The following SPEF2 variants were observed in gnomAD, a reference collection of about 807,000 sequenced individuals.
SPEF2 encodes sperm flagella and cilia-associated protein 2.
SPEF2 carries 187 observed loss-of-function variants against 224.6 expected under a neutral mutation model. The ratio of observed to expected loss-of-function variants is 0.83; its 90% CI spans 0.74 to 0.94. SPEF2 has a LOEUF of 0.94. SPEF2 is among the 40% of genes least tolerant of loss of function. SPEF2 has a pLI of 0.00. For synonymous variants in SPEF2, 715 were observed against 707.3 expected (o/e 1.01, Z -0.17); for missense variants, 2,170 against 2,135.6 (o/e 1.02, Z -0.32).
chr5:35,644,432 A>C lies in SPEF2; in HGVS notation c.492A>C (p.Lys164Asn), dbSNP rs1747058217. 2 of 1,611,768 alleles carry C rather than the reference A, an allele frequency of 1.2e-6. No homozygotes were observed. The highest frequency in any genetic ancestry group is 1.7e-6 in the Non-Finnish European group (2 of 1,179,032). Reference sequence around the variant, plus strand: ...CATACAGGTTTCAAGAAAAATATAAACACGTGAAAGAAGATCTTGCCCATT... The same window carrying C: ...CATACAGGTTTCAAGAAAAATATAACCACGTGAAAGAAGATCTTGCCCATT... ...RITYRFQEKY[K>N]HVKEDLAHLH... is the part of the protein sequence containing the mutation. The change falls in exon 4 of 37, where the codon AAA becomes AAC. Residue 164 changes from lysine (K) to asparagine (N), a missense_variant. Lys to Asn is a moderately conservative substitution (Grantham distance 94). Coordinates refer to ENST00000356031, the MANE Select transcript of SPEF2 (RefSeq NM_024867.4).
At chr5:35,719,574 T>C (rs535780088) in intron 20 of SPEF2, among the ~76,000 whole-genome samples, 10 of 152,132 alleles carry the variant, frequency 6.6e-5, no homozygotes, top group Admixed American at 2.6e-4. Flanking sequence ...TCTTCTCTTA[T>C]GGTCCCAAGA....
intron 1 of SPEF2, among the ~76,000 whole-genome samples, chr5:35,622,103 AT>A (rs2149355747): frequency 6.6e-6 from 1 of 152,270 alleles, no homozygotes; most frequent in African/African-American, 2.4e-5. Flanking sequence ...AAATAGATAT[AT>A]TTTTGTGAGT....
chr5:35,700,732 G>T lies in SPEF2; in HGVS notation c.2378G>T (p.Ser793Ile). 5 of 1,613,868 alleles carry T rather than the reference G, an allele frequency of 3.1e-6. No individual in the cohort carries two copies. Among genetic ancestry groups the T allele is most frequent in the East Asian group, 4.5e-5 (2 of 44,868 alleles). The change falls in exon 16 of 37, where the codon AGT becomes ATT. Residue 793 changes from serine to isoleucine, a missense_variant. Ser to Ile is a moderately radical substitution (Grantham distance 142). Coordinates refer to ENST00000356031, the MANE Select transcript of SPEF2 (RefSeq NM_024867.4). ...GATGTTTCAGATACTTCCTCAATGAGTCGCATGAATGATATTATAGGTAAG... is the reference window on the plus strand; with the variant it reads ...GATGTTTCAGATACTTCCTCAATGATTCGCATGAATGATATTATAGGTAAG... ...LLDVSDTSSM[S>I]RMNDIIAEEL...
In SPEF2 at chr5:35,697,565, G is replaced by A. The variant is rs113971395; in HGVS notation, c.2038-125G>A. The A allele has an allele frequency of 9.1e-3, 6,402 of 701,938 alleles. 163 individuals are homozygous for A. The highest frequency in any genetic ancestry group is 0.068 in the East Asian group (2,445 of 35,956). The allele number at this position is 701,938 out of a possible 1,614,324, so 43.5% of individuals were successfully genotyped here. A position where few individuals can be genotyped will look rare whatever the true frequency, so the allele number is the denominator to read the frequency against. On this transcript the variant is annotated intron_variant, in intron 14 of 36. Coordinates refer to ENST00000356031, the MANE Select transcript of SPEF2 (RefSeq NM_024867.4). ...TTCCTGAAATGCTTCCCTGACTCCC[G>A]AACTGTGCCACATGATCAGTGTCAT...
rs562958011 is a variant in SPEF2, at chr5:35,790,104, G to T, written c.4448-2236G>T. On this transcript the variant is annotated intron_variant, in intron 30 of 36. Coordinates refer to ENST00000356031, the MANE Select transcript of SPEF2 (RefSeq NM_024867.4). ...CAAGTATCCAAATATCCTGACACTAGTCGACCTAGTGTTGACCCTTCCTGC... is the reference window on the plus strand; with the variant it reads ...CAAGTATCCAAATATCCTGACACTATTCGACCTAGTGTTGACCCTTCCTGC... The T allele has an allele frequency of 3.3e-5, 23 of 702,884 alleles. No individual in the cohort carries two copies. In the East Asian group the frequency reaches 5.9e-4, roughly 18 times the overall value. The allele number at this position is 702,884 out of a possible 1,614,324, so 43.5% of individuals were successfully genotyped here.
At chr5:35,674,337 C>CTTTTTT (rs35129181) in intron 10 of SPEF2, among the ~76,000 whole-genome samples, 9 of 94,414 alleles carry the variant, frequency 9.5e-5, no homozygotes, top group East Asian at 3.4e-4. Context: ...TTTTCGTCTT[C>CTTTTTT]TTTTTTTTTT....
At chr5:35,705,629 A>G (rs754017895) in intron 17 of SPEF2, 22 bp from the exon 18 acceptor site, 7 of 1,557,052 alleles carry the variant, frequency 4.5e-6, no homozygotes, top group Non-Finnish European at 6.1e-6. Flanking sequence ...TGAGATATTC[A>G]TATCATATTT....
chr5:35,800,024 A>T lies in SPEF2; in HGVS notation c.4887A>T (p.Thr1629=). The T allele has an allele frequency of 6.2e-7, 1 of 1,614,112 alleles. No homozygotes were observed. Among genetic ancestry groups the T allele is most frequent in the Non-Finnish European group, 8.5e-7 (1 of 1,180,014 alleles). ...AGGATCCACCCCAGCTTGACTACACACAGATGCTGCTTTACTTTGCTTGCC... is the reference window on the plus strand; with the variant it reads ...AGGATCCACCCCAGCTTGACTACACTCAGATGCTGCTTTACTTTGCTTGCC... ...YEKDPPQLDY[T]QMLLYFACHP... The change falls in exon 34 of 37, where the codon ACA becomes ACT. Residue 1629 remains threonine (T), a synonymous_variant. Coordinates refer to ENST00000356031, the MANE Select transcript of SPEF2 (RefSeq NM_024867.4).
At chr5:35,790,142 A>G (rs1755755440) in intron 30 of SPEF2, 1 of 702,990 alleles carries the variant, frequency 1.4e-6, no homozygotes, top group Non-Finnish European at 2.6e-6. Context: ...GTTCAGCTGA[A>G]GCAGAACATG....
rs750804842 is a variant in SPEF2 at position 35,628,417 on chromosome 5, A to C, written c.59-43A>C. 3.0e-6 allele frequency: 4 copies of C among 1,333,978 alleles called. No homozygotes were observed. In the East Asian group the frequency reaches 9.2e-5, roughly 31 times the overall value. 82.6% of individuals were successfully genotyped at this position (1,333,978 alleles called of 1,614,324 possible). On this transcript the variant is annotated intron_variant, in intron 1 of 36. Coordinates refer to ENST00000356031, the MANE Select transcript of SPEF2 (RefSeq NM_024867.4). ...TAAAGAGATCATTAGCTCTATGCGC[A>C]ACATTGTATTCATGGTTTTTATCTC...
intron 30 of SPEF2, among the ~76,000 whole-genome samples, chr5:35,779,644 G>A (rs1343139965): frequency 2.6e-5 from 4 of 152,064 alleles, no homozygotes; most frequent in South Asian, 2.1e-4. Flanking sequence ...TACTCCACCT[G>A]GCAGCTTACA....
At position 35,759,672 on chromosome 5, in the gene SPEF2, C is replaced by T. The variant is rs765844460; in HGVS notation, c.3573C>T (p.Ile1191=). 1.1e-5 allele frequency: 18 copies of T among 1,608,440 alleles called. No individual in the cohort carries two copies. The highest frequency in any genetic ancestry group is 1.5e-5 in the Non-Finnish European group (18 of 1,176,198). ...PVEDNKRFTR[I]PLVQLDSKDN... ...AGGACAACAAGAGATTTACTCGAAT[C>T]CCTTTGGTCCAACTGGATAGTAAAG... Residue 1191 remains isoleucine (I), a synonymous_variant, in exon 25 of 37, where the codon ATC becomes ATT. Coordinates refer to ENST00000356031, the MANE Select transcript of SPEF2 (RefSeq NM_024867.4).
intron 34 of SPEF2, among the ~76,000 whole-genome samples, chr5:35,805,306 C>A (rs1580802175): frequency 6.6e-6 from 1 of 152,122 alleles, no homozygotes; most frequent in African/African-American, 2.4e-5. Flanking sequence ...TGTAACCTGC[C>A]TTCATTACAC....
intron 26 of SPEF2, among the ~76,000 whole-genome samples, chr5:35,765,679 C>A (rs903872447): frequency 1.3e-5 from 2 of 152,180 alleles, no homozygotes; most frequent in African/African-American, 2.4e-5. Flanking sequence ...ATCTTCCCAT[C>A]TTGTCATCTG....
chr5:35,759,766 C>T, intron 25 of SPEF2, 47 bp downstream of exon 25: 3 of 1,428,022 alleles, frequency 2.1e-6, no homozygotes, highest in East Asian at 2.4e-5. Flanking sequence ...GAACATAAAG[C>T]TTTGTGATTT....
chr5:35,733,877 A>G (rs188102695), intron 21 of SPEF2, among the ~76,000 whole-genome samples: 3 of 152,286 alleles, frequency 2.0e-5, no homozygotes, highest in Admixed American at 1.3e-4. Context: ...AAGCTGTTTA[A>G]CCTCTGTTGC....
intron 18 of SPEF2, among the ~76,000 whole-genome samples, chr5:35,706,611 A>G (rs1367086396): frequency 2.0e-5 from 3 of 152,140 alleles, no homozygotes; most frequent in Non-Finnish European, 4.4e-5. Context: ...GGTCAAAGTT[A>G]ATAGTGTCAA....
At chr5:35,702,971 G>A (rs1738956894) in intron 16 of SPEF2, among the ~76,000 whole-genome samples, 1 of 152,008 alleles carries the variant, frequency 6.6e-6, no homozygotes, top group Non-Finnish European at 1.5e-5. Flanking sequence ...GGAGAGAGAA[G>A]GAAGGATTGC....
intron 34 of SPEF2, among the ~76,000 whole-genome samples, chr5:35,802,647 G>A (rs190766569): frequency 6.6e-6 from 1 of 152,010 alleles, no homozygotes; most frequent in East Asian, 1.9e-4. Context: ...AGAAGGTGAG[G>A]GGGAGAGCCT....
Sources: allele counts gnomAD v4.1 joint callset (sites outside exome capture counted in the v4.1 genomes callset), GRCh38; gene constraint gnomAD v4.1.1; transcripts MANE v1.5; gene names NCBI Gene and HGNC (gene_info 2026-07-23, HGNC 2026-07-21).